Variants in SDK1 observed in about 807,000 individuals in gnomAD.
SDK1 encodes sidekick cell adhesion molecule 1.
Under a neutral mutation model 245.5 loss-of-function variants are expected in SDK1, and 157 were observed. The observed-to-expected ratio is 0.64, with a 90% confidence interval of 0.56 to 0.73. The LOEUF (loss-of-function observed/expected upper bound fraction) is 0.73. Ranked by LOEUF, SDK1 falls within the 30% of genes least tolerant of loss-of-function variation. The probability of loss-of-function intolerance (pLI) is 0.00; values close to 1 mark genes in which losing one functional copy is unlikely to be tolerated. For synonymous variants in SDK1, 1,647 were observed against 1,278.5 expected (o/e 1.29, Z -6.15); for missense variants, 3,583 against 3,002.3 (o/e 1.19, Z -4.52).
chr7:3,541,260 G>C (rs538250167), intron 1 of SDK1, among the ~76,000 whole-genome samples: 1 of 152,308 alleles, frequency 6.6e-6, no homozygotes, highest in Non-Finnish European at 1.5e-5. Context: ...TGAGTGCTTT[G>C]TGTGAGTTAG....
At chr7:3,690,287 G>C (rs545849904) in intron 4 of SDK1, among the ~76,000 whole-genome samples, 4 of 152,218 alleles carry the variant, frequency 2.6e-5, no homozygotes, top group African/African-American at 9.6e-5. Flanking sequence ...TTATACTTCT[G>C]TCTCAAGCAT....
In SDK1 at chr7:3,668,076, C is replaced by A. The variant is rs144138920; in HGVS notation, c.713+25971C>A. 5.3e-3 allele frequency among the ~76,000 whole-genome samples: 810 copies of A among 152,286 alleles called. 3 individuals are homozygous for A. Among genetic ancestry groups the A allele is most frequent in the Non-Finnish European group, 8.6e-3 (588 of 68,016 alleles). On this transcript the variant is annotated intron_variant, in intron 4 of 44. Coordinates refer to ENST00000404826, the MANE Select transcript of SDK1 (RefSeq NM_152744.4). ...ACTTAGCTTGCTATACCTAACAAAA[C>A]TATCATTTGAGGTAGGGGACAGAGG...
intron 1 of SDK1, among the ~76,000 whole-genome samples, chr7:3,564,340 A>C (rs1370190657): frequency 6.6e-6 from 1 of 152,106 alleles, no homozygotes; most frequent in Non-Finnish European, 1.5e-5. Flanking sequence ...AGCTAAAAAT[A>C]AAATACAGGA....
intron 17 of SDK1, among the ~76,000 whole-genome samples, chr7:4,047,374 A>G (rs906274141): frequency 5.9e-5 from 9 of 151,294 alleles, no homozygotes; most frequent in Non-Finnish European, 1.3e-4. Flanking sequence ...TGACTGTTAT[A>G]TATTGTTGAA....
At chr7:3,466,983 C>CAA (rs1554275632) in intron 1 of SDK1, among the ~76,000 whole-genome samples, 1 of 60,522 alleles carries the variant, frequency 1.7e-5, no homozygotes, top group African/African-American at 5.6e-5. Flanking sequence ...TCTCTCTACA[C>CAA]ACACACACAC....
chr7:3,328,678 A>G (rs1429925153), intron 1 of SDK1, among the ~76,000 whole-genome samples: 1 of 152,080 alleles, frequency 6.6e-6, no homozygotes, highest in Non-Finnish European at 1.5e-5. Flanking sequence ...AAATTCATAC[A>G]AATAGGATGA....
intron 28 of SDK1, among the ~76,000 whole-genome samples, chr7:4,145,270 G>T (rs1327613299): frequency 2.0e-5 from 3 of 152,154 alleles, no homozygotes; most frequent in Non-Finnish European, 2.9e-5. Context: ...GGAAGGAGGA[G>T]TGGCCGCTGT....
intron 1 of SDK1, among the ~76,000 whole-genome samples, chr7:3,332,750 G>A (rs1258348555): frequency 6.6e-6 from 1 of 152,172 alleles, no homozygotes; most frequent in Non-Finnish European, 1.5e-5. Flanking sequence ...AGCCAGTAAG[G>A]TGCTTCTAGT....
chr7:3,896,201 T>C (rs1781601374), intron 5 of SDK1, among the ~76,000 whole-genome samples: 1 of 152,242 alleles, frequency 6.6e-6, no homozygotes, highest in African/African-American at 2.4e-5. Context: ...TATTGACCAT[T>C]TCTGCTGTTC....
chr7:4,104,728 G>A (rs765893079), intron 22 of SDK1, among the ~76,000 whole-genome samples: 4 of 152,108 alleles, frequency 2.6e-5, no homozygotes, highest in Non-Finnish European at 5.9e-5. Flanking sequence ...TTTTGAGGCA[G>A]GGTCTCACTC....
chr7:3,965,931 C>T (rs534415512), intron 9 of SDK1, among the ~76,000 whole-genome samples: 42 of 151,562 alleles, frequency 2.8e-4, no homozygotes, highest in Non-Finnish European at 4.7e-4. Context: ...TGAAGGGAGG[C>T]GGATAGGTTG....
intron 5 of SDK1, among the ~76,000 whole-genome samples, chr7:3,903,201 T>C (rs1291863674): frequency 2.6e-5 from 4 of 151,360 alleles, no homozygotes; most frequent in Middle Eastern, 3.5e-3. Context: ...TAGAGTGCAG[T>C]GGTGTAATCT....
chr7:3,335,145 C>T (rs975712529), intron 1 of SDK1, among the ~76,000 whole-genome samples: 5 of 152,216 alleles, frequency 3.3e-5, no homozygotes, highest in African/African-American at 9.6e-5. Context: ...TAACTTTTAA[C>T]TTCTGTATCC....
intron 5 of SDK1, among the ~76,000 whole-genome samples, chr7:3,838,582 A>C (rs1011829570): frequency 6.6e-6 from 1 of 152,132 alleles, no homozygotes; most frequent in Non-Finnish European, 1.5e-5. Context: ...AGAGGGTGCA[A>C]ACAGAACTGT....
At chr7:3,843,167 GACACCAATCTTAA>G (rs902148412) in intron 5 of SDK1, among the ~76,000 whole-genome samples, 1 of 152,172 alleles carries the variant, frequency 6.6e-6, no homozygotes, top group Non-Finnish European at 1.5e-5. Flanking sequence ...CACAGGCATG[GACACCAATCTTAA>G]GCTGTAGCAT....
intron 1 of SDK1, among the ~76,000 whole-genome samples, chr7:3,494,157 C>T (rs923906631): frequency 6.6e-6 from 1 of 152,072 alleles, no homozygotes; most frequent in African/African-American, 2.4e-5. Context: ...CCCCAACATT[C>T]AAAATAGCTA....
Position 4,268,552 on chromosome 7 carries a change from A to T in SDK1, c.*3168A>T, listed in dbSNP as rs1583214547. On this transcript the variant is annotated 3_prime_UTR_variant, in exon 45 of 45. Coordinates refer to ENST00000404826, the MANE Select transcript of SDK1 (RefSeq NM_152744.4). ...CGGAACGCGCCTCCACAGCCCCGGG[A>T]GGTGGCTCACTCTGTACAGGTCTTC... 3.9e-6 allele frequency: 5 copies of T among 1,295,792 alleles called. No individual in the cohort carries two copies. The African/African-American group carries it at 4.5e-5, about 12-fold the overall frequency. 80.3% of individuals were successfully genotyped at this position (1,295,792 alleles called of 1,614,324 possible).
chr7:4,009,045 C>G (rs1463941625), intron 14 of SDK1, among the ~76,000 whole-genome samples: 3 of 152,220 alleles, frequency 2.0e-5, no homozygotes, highest in Non-Finnish European at 4.4e-5. Context: ...TCTTCACATC[C>G]TTCCCAACAC....
At position 3,431,381 on chromosome 7, in the gene SDK1, T is replaced by C. The variant is rs74851903; in HGVS notation, c.298+129497T>C. 1.2e-3 allele frequency among the ~76,000 whole-genome samples: 177 copies of C among 148,288 alleles called. 3 individuals are homozygous for C. The highest frequency in any genetic ancestry group is 4.3e-3 in the African/African-American group (171 of 39,494). On this transcript the variant is annotated intron_variant, in intron 1 of 44. Transcript: ENST00000404826. Reference sequence around the variant, plus strand: ...AGGTTTTTTTTTTTTTTTTTTTTTTTAAAGCAAATTCATTTTACTTAGCCA... The same window carrying C: ...AGGTTTTTTTTTTTTTTTTTTTTTTCAAAGCAAATTCATTTTACTTAGCCA...
Sources: allele counts gnomAD v4.1 joint callset (sites outside exome capture counted in the v4.1 genomes callset), GRCh38; gene constraint gnomAD v4.1.1; transcripts MANE v1.5; gene names NCBI Gene and HGNC (gene_info 2026-07-23, HGNC 2026-07-21).